Variants in MAML1 observed in about 807,000 individuals in gnomAD.
The protein encoded by MAML1 is mastermind like transcriptional coactivator 1, also known as mastermind-like protein 1.
In MAML1, 14 loss-of-function variants were observed where a neutral mutation model predicts 77.1. That is an observed-to-expected ratio of 0.18 (90% CI 0.12 to 0.28). The LOEUF (loss-of-function observed/expected upper bound fraction) is 0.28, where lower values mean the gene tolerates loss of function less well. Ranked by LOEUF, MAML1 falls within the 10% of genes least tolerant of loss-of-function variation. The pLI is 1.00. For missense variants in MAML1, 1,217 were observed against 1,327.8 expected (o/e 0.92, Z 1.30); for synonymous variants, 516 against 551.9 (o/e 0.93, Z 0.91).
In MAML1 at chr5:179,774,460, C is replaced by G; in HGVS notation, c.2634C>G (p.Ser878Arg). Reference protein sequence around the residue: ...MQQQAHLKMSSPQFSQAVPNR... With the variant: ...MQQQAHLKMSRPQFSQAVPNR... The stretch of plus-strand genomic sequence containing the variant: ...AGCAGGCCCACCTGAAAATGTCTAG[C>G]CCGCAATTCTCCCAGGCAGTGCCCA... Residue 878 changes from serine (S) to arginine (R), a missense_variant, in exon 5 of 5, where the codon AGC (serine) becomes AGG (arginine). Ser to Arg is a moderately radical substitution (Grantham distance 110). This residue lies in a region of MAML1 where 884 missense variants were observed against 949.3 expected (regional missense o/e 0.93). Transcript: ENST00000292599. The G allele has an allele frequency of 6.2e-7, 1 of 1,613,314 alleles. No individual in the cohort carries two copies. Among genetic ancestry groups the G allele is most frequent in the East Asian group, 2.2e-5 (1 of 44,880 alleles).
At chr5:179,746,033 C>CA (rs35594249) in intron 1 of MAML1, among the ~76,000 whole-genome samples, 99 of 139,108 alleles carry the variant, frequency 7.1e-4, no homozygotes, top group South Asian at 1.9e-3. Flanking sequence ...AACTCTGCCT[C>CA]AAAAAAAAAA....
intron 1 of MAML1, among the ~76,000 whole-genome samples, chr5:179,741,358 A>T (rs951795477): frequency 4.6e-5 from 7 of 152,212 alleles, no homozygotes; most frequent in Middle Eastern, 3.4e-3. Flanking sequence ...AGGAAGGGGG[A>T]TGCCTTTTTG....
intron 1 of MAML1, among the ~76,000 whole-genome samples, chr5:179,752,340 A>ATATATAT (rs1413175645): frequency 0.016 from 842 of 53,196 alleles, 24 homozygotes; most frequent in South Asian, 0.026. Flanking sequence ...AAAAAAAAAA[A>ATATATAT]AAAAAAAAAA....
Position 179,765,409 on chromosome 5 carries a change from C to T in MAML1, c.399C>T (p.Leu133=). Reference sequence around the variant, plus strand: ...ATCAACAGAATGGCTACGGGGACCTCTTTCCTGGGCATAAGAAGACTCGCC... The same window carrying T: ...ATCAACAGAATGGCTACGGGGACCTTTTTCCTGGGCATAAGAAGACTCGCC... ...NGDQQNGYGD[L]FPGHKKTRRE... The change falls in exon 2 of 5, where the codon CTC becomes CTT. Residue 133 remains leucine (L), a synonymous_variant. Transcript: ENST00000292599. The T allele has an allele frequency of 6.2e-7, 1 of 1,614,176 alleles. No individual in the cohort carries two copies. Among genetic ancestry groups the T allele is most frequent in the Non-Finnish European group, 8.5e-7 (1 of 1,180,020 alleles).
Position 179,735,610 on chromosome 5 carries a change from C to T in MAML1, c.315+2183C>T, listed in dbSNP as rs568389953. On this transcript the variant is annotated intron_variant, in intron 1 of 4. Transcript: ENST00000292599. ...TTCACCATGTTGACCAGGCTGGTCT[C>T]GAACTCCTGACCTCAGATAATCCAC... 5.9e-5 allele frequency among the ~76,000 whole-genome samples: 9 copies of T among 152,156 alleles called. No homozygotes were observed. In the South Asian group the frequency reaches 1.7e-3, roughly 28 times the overall value.
rs1779102880 is a variant in MAML1, at chr5:179,733,292, C to G, written c.180C>G (p.His60Gln). Residue 60 changes from histidine (H) to glutamine (Q), a missense_variant, in exon 1 of 5, where the codon CAC becomes CAG. Around this residue, in one of 3 missense-constraint regions of MAML1, gnomAD observed 312 missense variants for 331.4 expected, o/e 0.94. Transcript: ENST00000292599. ...AGCGCCAACACACCTTCGCCCTGCA[C>G]CAGCGCTGCATCCAGGCCAAGGCCA... ...ELERQHTFAL[H>Q]QRCIQAKAKR... 1 of 1,452,348 alleles carries G rather than the reference C, an allele frequency of 6.9e-7. No individual in the cohort carries two copies. The highest frequency in any genetic ancestry group is 1.5e-5 in the African/African-American group (1 of 67,300). The allele number at this position is 1,452,348 out of a possible 1,614,324, so 90.0% of individuals were successfully genotyped here. A position where few individuals can be genotyped will look rare whatever the true frequency, so the allele number is the denominator to read the frequency against.
intron 1 of MAML1, among the ~76,000 whole-genome samples, chr5:179,738,088 G>A (rs184673825): frequency 1.3e-5 from 2 of 152,182 alleles, no homozygotes; most frequent in Admixed American, 1.3e-4. Context: ...TGTAAATAAT[G>A]TCAAACTTAG....
chr5:179,774,219 G>A lies in MAML1; in HGVS notation c.2393G>A (p.Gly798Glu), dbSNP rs1365500853. Residue 798 changes from glycine (G) to glutamate (E), a missense_variant, in exon 5 of 5, where the codon GGG (glycine) becomes GAG (glutamate). Gly to Glu is a moderately conservative substitution (Grantham distance 98). Coordinates refer to ENST00000292599, the MANE Select transcript of MAML1 (RefSeq NM_014757.5). Reference sequence around the variant, plus strand: ...AACACCTCCGTCTCAGCTGCCTATGGGCAGAACTCTCTGGGAAGCTCTGGC... The same window carrying A: ...AACACCTCCGTCTCAGCTGCCTATGAGCAGAACTCTCTGGGAAGCTCTGGC... Reference protein sequence around the residue: ...GQNTSVSAAYGQNSLGSSGLS... With the variant: ...GQNTSVSAAYEQNSLGSSGLS... The A allele has an allele frequency of 4.3e-6, 7 of 1,613,400 alleles. No homozygotes were observed.
chr5:179,777,250 A>G lies in MAML1; in HGVS notation c.*2373A>G. Reference sequence around the variant, plus strand: ...AAATCTTTACTTTCCTTGTTTTATCATTATAAAAATAAAGTATTTTGCTAG... The same window carrying G: ...AAATCTTTACTTTCCTTGTTTTATCGTTATAAAAATAAAGTATTTTGCTAG... On this transcript the variant is annotated 3_prime_UTR_variant, in exon 5 of 5. Coordinates refer to ENST00000292599, the MANE Select transcript of MAML1 (RefSeq NM_014757.5). 1.0e-6 allele frequency: 1 copy of G among 964,200 alleles called. No homozygotes were observed. Among genetic ancestry groups the G allele is most frequent in the Non-Finnish European group, 1.2e-6 (1 of 810,478 alleles). 59.7% of individuals were successfully genotyped at this position (964,200 alleles called of 1,614,324 possible).
In MAML1 at chr5:179,774,906, C is replaced by G; in HGVS notation, c.*29C>G. 1 of 1,549,436 alleles carries G rather than the reference C, an allele frequency of 6.5e-7. No homozygotes were observed. The highest frequency in any genetic ancestry group is 1.2e-5 in the South Asian group (1 of 82,116). On this transcript the variant is annotated 3_prime_UTR_variant, in exon 5 of 5. Coordinates refer to ENST00000292599, the MANE Select transcript of MAML1 (RefSeq NM_014757.5). ...AAGGATTTGTAGTGTTTTTAGTGTT[C>G]ATTCATCCTATATTTTTATTCTCAG... is the stretch of plus-strand genomic sequence containing the variant.
intron 1 of MAML1, among the ~76,000 whole-genome samples, chr5:179,758,223 G>A (rs1203868335): frequency 6.6e-6 from 1 of 152,170 alleles, no homozygotes; most frequent in Non-Finnish European, 1.5e-5. Flanking sequence ...TGGATTCAGT[G>A]ACAGGAATGG....
chr5:179,734,969 C>T (rs1357985218), intron 1 of MAML1, among the ~76,000 whole-genome samples: 2 of 152,174 alleles, frequency 1.3e-5, no homozygotes, highest in Non-Finnish European at 2.9e-5. Context: ...AGCCACCGCA[C>T]CGTGCCGCCC....
At chr5:179,749,443 T>C (rs1281407614) in intron 1 of MAML1, among the ~76,000 whole-genome samples, 1 of 152,030 alleles carries the variant, frequency 6.6e-6, no homozygotes, top group African/African-American at 2.4e-5. Flanking sequence ...GTATTTTTAG[T>C]ACAGAAGGGG....
At chr5:179,757,039 T>G (rs1779634857) in intron 1 of MAML1, among the ~76,000 whole-genome samples, 1 of 152,048 alleles carries the variant, frequency 6.6e-6, no homozygotes, top group South Asian at 2.1e-4. Flanking sequence ...ATATTGGTCT[T>G]GAACTCCTGA....
At chr5:179,761,763 G>A (rs1008478719) in intron 1 of MAML1, among the ~76,000 whole-genome samples, 1 of 152,172 alleles carries the variant, frequency 6.6e-6, no homozygotes, top group African/African-American at 2.4e-5. Flanking sequence ...AGTGCAGGGA[G>A]AGAGGGAAAG....
rs1237222575 is a variant in MAML1, at chr5:179,774,829, T to C, written c.3003T>C (p.Thr1001=). The C allele has an allele frequency of 3.1e-6, 5 of 1,613,606 alleles. No homozygotes were observed. Among genetic ancestry groups the C allele is most frequent in the Non-Finnish European group, 4.2e-6 (5 of 1,179,746 alleles). The change falls in exon 5 of 5, where the codon ACT becomes ACC. Residue 1001 remains threonine (T), a synonymous_variant. Transcript: ENST00000292599. The stretch of plus-strand genomic sequence containing the variant: ...TCGACTCCCTGCTGAAGAACAGGAC[T>C]TCAGAGGAGTGGATGAGTGATTTGG... ...DLIDSLLKNR[T]SEEWMSDLDD...
intron 1 of MAML1, among the ~76,000 whole-genome samples, chr5:179,743,278 C>G (rs955633192): frequency 6.6e-6 from 1 of 151,630 alleles, no homozygotes; most frequent in African/African-American, 2.4e-5. Flanking sequence ...TCTCGAACTC[C>G]CGGCCTCAGG....
At chr5:179,758,681 C>T (rs1302436027) in intron 1 of MAML1, among the ~76,000 whole-genome samples, 4 of 152,066 alleles carry the variant, frequency 2.6e-5, no homozygotes, top group South Asian at 4.1e-4. Flanking sequence ...TGAGCCACCA[C>T]ACCCGACCAT....
At chr5:179,740,477 C>T (rs543933474) in intron 1 of MAML1, among the ~76,000 whole-genome samples, 4 of 151,954 alleles carry the variant, frequency 2.6e-5, no homozygotes, top group East Asian at 1.9e-4. Context: ...CGGGTTTCAC[C>T]GTGTTAGCCA....
Sources: gnomAD v4.1 joint callset for allele counts (sites outside exome capture counted in the v4.1 genomes callset) on GRCh38, gnomAD v4.1.1 for gene constraint, gnomAD v4.1.1 regional missense constraint, MANE v1.5 for transcripts, NCBI Gene and HGNC (gene_info 2026-07-23, HGNC 2026-07-21) for gene names.